Variants in ZMYND12 observed in about 807,000 individuals in gnomAD.
ZMYND12 encodes the protein zinc finger MYND domain-containing protein 12.
A neutral mutation model predicts 41.7 loss-of-function variants in ZMYND12; 32 were observed. That is an observed-to-expected ratio of 0.77 (90% CI 0.58 to 1.03). ZMYND12 has a LOEUF of 1.03. ZMYND12 is among the 50% of genes least tolerant of loss of function. The pLI, the probability that ZMYND12 is intolerant of heterozygous loss-of-function variation, is 0.00. For missense variants in ZMYND12, 424 were observed against 438.5 expected (o/e 0.97, Z 0.30); for synonymous variants, 148 against 164.8 (o/e 0.90, Z 0.78).
rs1222389363 is a variant in ZMYND12 at position 42,430,723 on chromosome 1, A to T, written c.*13T>A. The T allele has an allele frequency of 6.2e-7, 1 of 1,613,224 alleles. No homozygotes were observed. Among genetic ancestry groups the T allele is most frequent in the Admixed American group, 1.7e-5 (1 of 60,018 alleles). On this transcript the variant is annotated 3_prime_UTR_variant, in exon 8 of 8. Coordinates refer to ENST00000372565, the MANE Select transcript of ZMYND12 (RefSeq NM_032257.5). ...GCCCCTGGAATAACCCTTGATGCAG[A>T]GCTCATGGGTCACTAAGTAATGGGA...
intron 5 of ZMYND12, 124 bp from the exon 6 acceptor site, chr1:42,435,509 T>C: frequency 1.4e-6 from 1 of 711,048 alleles, no homozygotes; most frequent in African/African-American, 1.8e-5. Context: ...TCTCTTACTG[T>C]GCCTGGAGGC....
intron 6 of ZMYND12, 139 bp downstream of exon 6, chr1:42,435,134 GT>G: frequency 4.5e-6 from 3 of 672,290 alleles, no homozygotes; most frequent in Non-Finnish European, 8.0e-6. Flanking sequence ...CCGTGTCTCA[GT>G]TTTCTCCATC....
At chr1:42,440,401 T>G (rs952669379) in intron 3 of ZMYND12, among the ~76,000 whole-genome samples, 1 of 152,132 alleles carries the variant, frequency 6.6e-6, no homozygotes, top group Non-Finnish European at 1.5e-5. Context: ...AGGCCACATA[T>G]TGTATGATTC....
intron 3 of ZMYND12, 133 bp from the exon 4 acceptor site, chr1:42,440,158 G>A (rs1283928693): frequency 3.2e-6 from 3 of 931,522 alleles, no homozygotes; most frequent in East Asian, 3.0e-5. Flanking sequence ...ACTCATACAG[G>A]AATGTTCACA....
At chr1:42,435,492 G>A in intron 5 of ZMYND12, 107 bp from the exon 6 acceptor site, 1 of 838,228 alleles carries the variant, frequency 1.2e-6, no homozygotes, top group Non-Finnish European at 2.0e-6. Flanking sequence ...ACAACCTGGA[G>A]GTTCTCTCTC....
chr1:42,440,101 C>A, intron 3 of ZMYND12, 76 bp from the exon 4 acceptor site: 1 of 1,443,198 alleles, frequency 6.9e-7, no homozygotes, highest in East Asian at 2.3e-5. Flanking sequence ...AGTCATTACC[C>A]ATTCACTCAT....
rs1413589807 is a variant in ZMYND12, at chr1:42,435,368, A to C, written c.735T>G (p.His245Gln). ...TLYTKVSEIW[H>Q]AYLNNHYQVL... The stretch of plus-strand genomic sequence containing the variant: ...CTTGATAGTGATTGTTCAAATATGC[A>C]TGCCAGATCTCAGAGACCTGTTGGG... The change falls in exon 6 of 8, where the codon CAT (histidine) becomes CAG (glutamine). Residue 245 changes from histidine to glutamine, a missense_variant. Physicochemically the swap from His to Gln is conservative, Grantham distance 24. Coordinates refer to ENST00000372565, the MANE Select transcript of ZMYND12 (RefSeq NM_032257.5). The C allele has an allele frequency of 6.2e-7, 1 of 1,613,558 alleles. No individual in the cohort carries two copies. The highest frequency in any genetic ancestry group is 8.5e-7 in the Non-Finnish European group (1 of 1,179,618).
At chr1:42,444,033 T>G (rs1368511474) in intron 3 of ZMYND12, among the ~76,000 whole-genome samples, 8 of 152,088 alleles carry the variant, frequency 5.3e-5, no homozygotes, top group Non-Finnish European at 1.2e-4. Context: ...GACCGCCTAA[T>G]TTTTTTGTTT....
chr1:42,452,192 A>T (rs1020979588), intron 1 of ZMYND12, among the ~76,000 whole-genome samples: 3 of 152,162 alleles, frequency 2.0e-5, no homozygotes, highest in African/African-American at 7.2e-5. Context: ...TTTTTGCAAT[A>T]ATTTTTCCTT....
intron 3 of ZMYND12, among the ~76,000 whole-genome samples, chr1:42,448,043 T>C (rs1041581901): frequency 2.0e-5 from 3 of 152,212 alleles, no homozygotes; most frequent in Non-Finnish European, 4.4e-5. Context: ...AAAAACTCCA[T>C]CTGACATTTT....
intron 3 of ZMYND12, among the ~76,000 whole-genome samples, chr1:42,444,346 C>T (rs1362620911): frequency 6.6e-6 from 1 of 152,204 alleles, no homozygotes; most frequent in Non-Finnish European, 1.5e-5. Context: ...TTCCAAATCA[C>T]TCCAGTCTGA....
chr1:42,453,805 G>A (rs925392569), intron 1 of ZMYND12, among the ~76,000 whole-genome samples: 99 of 152,246 alleles, frequency 6.5e-4, no homozygotes, highest in African/African-American at 2.1e-3. Flanking sequence ...TCTGATGCCC[G>A]TCATCTTTTC....
intron 1 of ZMYND12, 124 bp downstream of exon 1, chr1:42,455,764 A>G: frequency 1.5e-6 from 1 of 672,492 alleles, no homozygotes; most frequent in Non-Finnish European, 2.5e-6. Flanking sequence ...CCTGTCTTAA[A>G]GCCGTTTTGA....
intron 1 of ZMYND12, 102 bp downstream of exon 1, chr1:42,455,786 C>A: frequency 1.2e-6 from 1 of 855,718 alleles, no homozygotes; most frequent in Non-Finnish European, 1.8e-6. Context: ...GTGTCCCTTG[C>A]AGAGTCAGGG....
chr1:42,442,659 G>A (rs1438514558), intron 3 of ZMYND12, among the ~76,000 whole-genome samples: 1 of 152,228 alleles, frequency 6.6e-6, no homozygotes, highest in East Asian at 1.9e-4. Flanking sequence ...AGGGTTAAGA[G>A]GTAAGGACAC....
chr1:42,444,900 C>T (rs1277797070), intron 3 of ZMYND12, among the ~76,000 whole-genome samples: 7 of 149,630 alleles, frequency 4.7e-5, no homozygotes, highest in East Asian at 4.0e-4. Flanking sequence ...CTCCGCCCCC[C>T]GGGTTCATGC....
At chr1:42,448,776 C>T (rs542849388) in intron 2 of ZMYND12, 138 bp from the exon 3 acceptor site, 44 of 740,334 alleles carry the variant, frequency 5.9e-5, no homozygotes, top group South Asian at 4.4e-4. Context: ...TTAGAGTGGA[C>T]GTGAAGCCCC....
At chr1:42,445,849 T>C (rs1643018801) in intron 3 of ZMYND12, among the ~76,000 whole-genome samples, 1 of 152,054 alleles carries the variant, frequency 6.6e-6, no homozygotes, top group South Asian at 2.1e-4. Context: ...GGAGACCAGT[T>C]AGTAGGCAGT....
intron 2 of ZMYND12, 127 bp from the exon 3 acceptor site, chr1:42,448,765 A>G: frequency 1.1e-6 from 1 of 873,950 alleles, no homozygotes; most frequent in Non-Finnish European, 1.7e-6. Flanking sequence ...GCCTGCCTGT[A>G]TTAGAGTGGA....
Sources: allele counts gnomAD v4.1 joint callset (sites outside exome capture counted in the v4.1 genomes callset), GRCh38; gene constraint gnomAD v4.1.1; transcripts MANE v1.5; gene names NCBI Gene and HGNC (gene_info 2026-07-23, HGNC 2026-07-21).